The following PPFIA2 variants were observed in gnomAD, a reference collection of about 807,000 sequenced individuals.
The protein encoded by PPFIA2 is PPFI scaffold protein A2.
Under a neutral mutation model 175.5 loss-of-function variants are expected in PPFIA2, and 46 were observed. That is an observed-to-expected ratio of 0.26 (90% CI 0.21 to 0.34). The LOEUF is 0.34. Among genes scored for constraint, PPFIA2 ranks in the 10% least tolerant of loss-of-function variants. The pLI, the probability that PPFIA2 is intolerant of heterozygous loss-of-function variation, is 1.00. For synonymous variants in PPFIA2, 568 were observed against 511.4 expected (o/e 1.11, Z -1.49); for missense variants, 1,179 against 1,506.1 (o/e 0.78, Z 3.60).
chr12:81,618,916 G>C (rs2061716720), intron 4 of PPFIA2, among the ~76,000 whole-genome samples: 2 of 152,088 alleles, frequency 1.3e-5, no homozygotes, highest in African/African-American at 2.4e-5. Flanking sequence ...TATTAGTCGA[G>C]TACCTATAAT....
intron 22 of PPFIA2, among the ~76,000 whole-genome samples, chr12:81,318,332 T>C (rs1158152698): frequency 6.6e-6 from 1 of 151,770 alleles, no homozygotes; most frequent in African/African-American, 2.4e-5. Flanking sequence ...GTTACTGCTA[T>C]TACGGATATT....
intron 22 of PPFIA2, chr12:81,302,252 G>C (rs141340560): frequency 1.8e-4 from 70 of 383,516 alleles, no homozygotes; most frequent in Admixed American, 7.4e-4. Flanking sequence ...ACCTCCTCTT[G>C]AGCTTTTATT....
At chr12:81,453,429 A>G (rs1311944296) in intron 5 of PPFIA2, among the ~76,000 whole-genome samples, 1 of 152,108 alleles carries the variant, frequency 6.6e-6, no homozygotes, top group African/African-American at 2.4e-5. Flanking sequence ...TAACTTTGTC[A>G]AAACATGTCT....
intron 3 of PPFIA2, among the ~76,000 whole-genome samples, chr12:81,678,897 A>G (rs2073088220): frequency 6.6e-6 from 1 of 151,730 alleles, no homozygotes; most frequent in Admixed American, 6.6e-5. Context: ...CACCCTCTCC[A>G]TCCTGTTCAA....
At chr12:81,570,686 A>C (rs2072352589) in intron 4 of PPFIA2, among the ~76,000 whole-genome samples, 1 of 149,680 alleles carries the variant, frequency 6.7e-6, no homozygotes, top group Admixed American at 6.7e-5. Flanking sequence ...TTTAAAAAAT[A>C]ATTTTATAAT....
chr12:81,715,873 C>G (rs560639000), intron 3 of PPFIA2, among the ~76,000 whole-genome samples: 9 of 151,384 alleles, frequency 5.9e-5, no homozygotes, highest in Non-Finnish European at 1.0e-4. Flanking sequence ...TTATTGTGAA[C>G]ACAATTATAG....
At chr12:81,346,117 G>T (rs1032801866) in intron 18 of PPFIA2, among the ~76,000 whole-genome samples, 3 of 152,056 alleles carry the variant, frequency 2.0e-5, no homozygotes, top group Admixed American at 6.6e-5. Context: ...CCTCAAAATT[G>T]TAAGTATGCC....
intron 7 of PPFIA2, among the ~76,000 whole-genome samples, chr12:81,425,762 T>C (rs773548760): frequency 4.6e-5 from 7 of 152,182 alleles, no homozygotes; most frequent in Non-Finnish European, 1.5e-5. Flanking sequence ...CACGACACAT[T>C]TTCTGATTGT....
intron 4 of PPFIA2, among the ~76,000 whole-genome samples, chr12:81,608,513 C>G (rs2060563752): frequency 6.6e-6 from 1 of 151,916 alleles, no homozygotes; most frequent in Admixed American, 6.6e-5. Flanking sequence ...CTGCCTGATT[C>G]AATCTTGGGA....
chr12:81,577,163 T>G (rs943566377), intron 4 of PPFIA2, among the ~76,000 whole-genome samples: 15 of 152,008 alleles, frequency 9.9e-5, no homozygotes, highest in Non-Finnish European at 2.1e-4. Context: ...CATTAGAATA[T>G]CTTGTCTTTC....
intron 4 of PPFIA2, among the ~76,000 whole-genome samples, chr12:81,464,938 T>G (rs1282946271): frequency 1.3e-5 from 2 of 151,498 alleles, no homozygotes; most frequent in East Asian, 3.9e-4. Flanking sequence ...GTATGCTTAC[T>G]TGAGGAGGTT....
At chr12:81,491,283 T>C (rs1201919734) in intron 4 of PPFIA2, among the ~76,000 whole-genome samples, 2 of 151,930 alleles carry the variant, frequency 1.3e-5, no homozygotes, top group African/African-American at 4.8e-5. Flanking sequence ...AACCTTCTTA[T>C]ATTTAATTCA....
intron 3 of PPFIA2, among the ~76,000 whole-genome samples, chr12:81,678,941 AAAATC>A (rs1175123300): frequency 6.6e-6 from 1 of 151,870 alleles, no homozygotes; most frequent in African/African-American, 2.4e-5. Context: ...CAACATAAAA[AAAATC>A]AACTCATCTA....
intron 26 of PPFIA2, 57 bp from the exon 27 acceptor site, chr12:81,281,507 G>C (rs1164568702): frequency 3.4e-6 from 4 of 1,171,586 alleles, no homozygotes; most frequent in Non-Finnish European, 4.9e-6. Context: ...ATGGTAATTG[G>C]ATAATATTAC....
intron 4 of PPFIA2, chr12:81,512,263 T>G: frequency 8.0e-7 from 1 of 1,252,822 alleles, no homozygotes; most frequent in Non-Finnish European, 1.0e-6. Flanking sequence ...TCTAAACACC[T>G]CATGCTGACA....
At chr12:81,598,473 T>A in intron 4 of PPFIA2, 1 of 695,802 alleles carries the variant, frequency 1.4e-6, no homozygotes, top group Non-Finnish European at 1.8e-6. Flanking sequence ...GCATGCACAG[T>A]GTATTCAGAG....
intron 3 of PPFIA2, among the ~76,000 whole-genome samples, chr12:81,723,097 T>C (rs553230825): frequency 6.6e-6 from 1 of 151,210 alleles, no homozygotes; most frequent in Non-Finnish European, 1.5e-5. Context: ...TATTAAAGCA[T>C]ATAAGCAAAT....
chr12:81,419,203 C>A (rs758106088), intron 7 of PPFIA2, among the ~76,000 whole-genome samples: 1 of 151,974 alleles, frequency 6.6e-6, no homozygotes, highest in Non-Finnish European at 1.5e-5. Flanking sequence ...ATGATTTGTG[C>A]GGTAGAATTC....
intron 7 of PPFIA2, among the ~76,000 whole-genome samples, chr12:81,426,242 C>G (rs1228167139): frequency 6.6e-6 from 1 of 152,060 alleles, no homozygotes; most frequent in Non-Finnish European, 1.5e-5. Context: ...TGTGTCAATT[C>G]TAGAAGGGTA....
Sources: allele counts gnomAD v4.1 joint callset (sites outside exome capture counted in the v4.1 genomes callset), GRCh38; gene constraint gnomAD v4.1.1; transcripts MANE v1.5; gene names NCBI Gene and HGNC (gene_info 2026-07-23, HGNC 2026-07-21).